Variants in CYFIP2 observed in about 807,000 individuals in gnomAD.
CYFIP2 encodes cytoplasmic FMR1 interacting protein 2, also known as cytoplasmic FMR1-interacting protein 2.
In CYFIP2, 29 loss-of-function variants were observed where a neutral mutation model predicts 158.7. That is an observed-to-expected ratio of 0.18 (90% CI 0.14 to 0.25). The LOEUF (loss-of-function observed/expected upper bound fraction) is 0.25. Among genes scored for constraint, CYFIP2 ranks in the 10% least tolerant of loss-of-function variants. The pLI is 1.00. For synonymous variants in CYFIP2, 585 were observed against 617.6 expected, an observed-to-expected ratio of 0.95 and a Z score of 0.78; for missense variants, 852 against 1,639.5, an observed-to-expected ratio of 0.52 and a Z score of 8.29.
At chr5:157,389,990 T>C (rs1302837460) in intron 29 of CYFIP2, among the ~76,000 whole-genome samples, 1 of 152,150 alleles carries the variant, frequency 6.6e-6, no homozygotes, top group Non-Finnish European at 1.5e-5. Flanking sequence ...TCTTGAGAGT[T>C]GGGGGCCAGG....
rs2113042087 is a variant in CYFIP2 at position 157,311,831 on chromosome 5, G to A, written c.1110+50G>A. On this transcript the variant is annotated intron_variant, in intron 11 of 30. Transcript: ENST00000620254. The surrounding 1 kb of genome is among the most constrained non-coding windows in gnomAD (Gnocchi z 4.7). ...CAGGCCCGTGGGCCCAGGGCCAGAA[G>A]GGGTAAGGAGCAGCCAGGAAAGAAC... 1 of 1,497,904 alleles carries A rather than the reference G, an allele frequency of 6.7e-7. No individual in the cohort carries two copies. The allele number at this position is 1,497,904 out of a possible 1,614,324, so 92.8% of individuals were successfully genotyped here.
chr5:157,338,897 C>A (rs1762048832), intron 21 of CYFIP2, among the ~76,000 whole-genome samples, 160 bp from the exon 22 acceptor site: 1 of 152,210 alleles, frequency 6.6e-6, no homozygotes, highest in African/African-American at 2.4e-5. Context: ...CAGAAGGGAA[C>A]CTTGTCACCT....
At chr5:157,379,062 A>G (rs1245701205) in intron 26 of CYFIP2, among the ~76,000 whole-genome samples, 1 of 152,090 alleles carries the variant, frequency 6.6e-6, no homozygotes, top group Non-Finnish European at 1.5e-5. Context: ...TCCTGTTTCC[A>G]GTTCTTCCAG....
chr5:157,319,247 T>C (rs759879487), intron 13 of CYFIP2, among the ~76,000 whole-genome samples: 7 of 152,208 alleles, frequency 4.6e-5, no homozygotes, highest in Non-Finnish European at 8.8e-5. Context: ...CCATGACTTC[T>C]GCAGGAGAAG....
intron 3 of CYFIP2, among the ~76,000 whole-genome samples, chr5:157,293,600 A>G (rs942577832): frequency 6.6e-6 from 1 of 152,214 alleles, no homozygotes; most frequent in Non-Finnish European, 1.5e-5. Flanking sequence ...ATGCAAAACA[A>G]TCCAGCCTCA....
In CYFIP2 at chr5:157,311,648, A is replaced by G. The variant is rs10062193; in HGVS notation, c.993-16A>G. The G allele has an allele frequency of 3.8e-4, 601 of 1,592,456 alleles. 1 individual carries two copies. In the African/African-American group the frequency reaches 7.1e-3, roughly 19 times the overall value. ...TGAGGCTGGGACCCTCTCCGACCCC[A>G]TAATTTTCTACCCAGGTGGACGTGC... On this transcript the variant is annotated splice_polypyrimidine_tract_variant and intron_variant, in intron 10 of 30. Coordinates refer to ENST00000620254, the MANE Select transcript of CYFIP2 (RefSeq NM_001037333.3). The surrounding 1 kb of genome is among the most constrained non-coding windows in gnomAD (Gnocchi z 4.7).
intron 26 of CYFIP2, among the ~76,000 whole-genome samples, chr5:157,368,898 T>G (rs1400040928): frequency 1.7e-3 from 193 of 110,924 alleles, no homozygotes; most frequent in African/African-American, 6.9e-3. Context: ...TTTTTTGTTT[T>G]TTTGTTTTTT....
intron 26 of CYFIP2, chr5:157,364,559 G>A (rs1764189109): frequency 6.6e-6 from 1 of 152,322 alleles, no homozygotes; most frequent in African/African-American, 2.4e-5. Context: ...AGCAGAGGTG[G>A]AAGAACTAAA....
At chr5:157,279,369 C>A (rs1216393475) in intron 1 of CYFIP2, among the ~76,000 whole-genome samples, 16 of 152,230 alleles carry the variant, frequency 1.1e-4, no homozygotes. Flanking sequence ...CTTAATATTT[C>A]ATTTCTTTCC....
chr5:157,305,820 T>C (rs1177093160), intron 8 of CYFIP2, among the ~76,000 whole-genome samples: 1 of 152,234 alleles, frequency 6.6e-6, no homozygotes, highest in Admixed American at 6.5e-5. Context: ...TGGCCTACTT[T>C]CAGCATTTTT....
intron 21 of CYFIP2, among the ~76,000 whole-genome samples, chr5:157,336,612 G>A (rs1001561591): frequency 1.3e-5 from 2 of 152,222 alleles, no homozygotes; most frequent in African/African-American, 4.8e-5. Context: ...ACAGTTGAAT[G>A]TGGTTAACAA....
intron 19 of CYFIP2, 76 bp downstream of exon 19, chr5:157,328,125 C>A (rs1016243409): frequency 1.0e-5 from 14 of 1,398,578 alleles, no homozygotes; most frequent in Non-Finnish European, 1.4e-5. Flanking sequence ...TGTTGTGAAA[C>A]CTCCCTTCTT....
chr5:157,354,530 G>A (rs1033311608), intron 23 of CYFIP2, among the ~76,000 whole-genome samples: 4 of 152,028 alleles, frequency 2.6e-5, no homozygotes, highest in Non-Finnish European at 4.4e-5. Context: ...TTCAGCATGC[G>A]TGTGCATTTC....
intron 29 of CYFIP2, 86 bp downstream of exon 29, chr5:157,389,513 C>A: frequency 7.7e-7 from 1 of 1,296,984 alleles, no homozygotes. Flanking sequence ...CAGCCAGAAA[C>A]GTGGGCAGGG....
chr5:157,335,425 G>A lies in CYFIP2; in HGVS notation c.2385+1979G>A, dbSNP rs183327500. 2.0e-5 allele frequency among the ~76,000 whole-genome samples: 3 copies of A among 152,266 alleles called. No homozygotes were observed. The East Asian group carries it at 5.8e-4, about 29-fold the overall frequency. ...CCTGAGTAGCTGGGACTACAGGCATGTGCCACCAGGCCCACCTAATTTTTG... is the reference window on the plus strand; with the variant it reads ...CCTGAGTAGCTGGGACTACAGGCATATGCCACCAGGCCCACCTAATTTTTG... On this transcript the variant is annotated intron_variant, in intron 21 of 30. Coordinates refer to ENST00000620254, the MANE Select transcript of CYFIP2 (RefSeq NM_001037333.3).
At position 157,320,789 on chromosome 5, in the gene CYFIP2, C is replaced by T; in HGVS notation, c.1658C>T (p.Pro553Leu). 6.3e-7 allele frequency: 1 copy of T among 1,595,926 alleles called. No individual in the cohort carries two copies. The highest frequency in any genetic ancestry group is 8.5e-7 in the Non-Finnish European group (1 of 1,171,390). ...AAGGTGCCCCGGCGTGCTGTGGGGC[C>T]ATCCAGCACACAGGTAAGCGGCTCC... ...DIKVPRRAVG[P>L]SSTQLYMVRT... The change falls in exon 15 of 31, where the codon CCA becomes CTA. Residue 553 changes from proline to leucine, a missense_variant. By Grantham distance (98) the Pro-to-Leu change is moderately conservative. Around this residue, in one of 8 missense-constraint regions of CYFIP2, gnomAD observed 167 missense variants for 343.3 expected, o/e 0.49. Transcript: ENST00000620254.
chr5:157,313,593 T>C (rs1036921448), intron 11 of CYFIP2, among the ~76,000 whole-genome samples: 2 of 152,228 alleles, frequency 1.3e-5, no homozygotes, highest in Non-Finnish European at 2.9e-5. Flanking sequence ...TGGGTGTATG[T>C]CTGCAGATGA....
chr5:157,387,065 T>C (rs1000294727), intron 28 of CYFIP2, among the ~76,000 whole-genome samples: 6 of 151,934 alleles, frequency 3.9e-5, no homozygotes, highest in African/African-American at 1.5e-4. Flanking sequence ...TCCTTCACAA[T>C]ATTGAAAGAA....
At chr5:157,277,976 A>T (rs1027761048) in intron 1 of CYFIP2, among the ~76,000 whole-genome samples, 2 of 152,108 alleles carry the variant, frequency 1.3e-5, no homozygotes, top group African/African-American at 2.4e-5. Flanking sequence ...ACACAGTGGG[A>T]AGTATTTGTG....
Sources: gnomAD v4.1 joint callset for allele counts (sites outside exome capture counted in the v4.1 genomes callset) on GRCh38, gnomAD v4.1.1 for gene constraint, gnomAD v4.1.1 regional missense constraint, Gnocchi (gnomAD v3.1) non-coding constraint, MANE v1.5 for transcripts, NCBI Gene and HGNC (gene_info 2026-07-23, HGNC 2026-07-21) for gene names.